NRXN3: variants seen among roughly 807,000 people sequenced by gnomAD.
NRXN3 encodes neurexin 3.
A neutral mutation model predicts 137.6 loss-of-function variants in NRXN3; 32 were observed. The ratio of observed to expected loss-of-function variants is 0.23; its 90% CI spans 0.18 to 0.31. The LOEUF (loss-of-function observed/expected upper bound fraction) is 0.31. Ranked by LOEUF, NRXN3 falls within the 10% of genes least tolerant of loss-of-function variation. The pLI, the probability that NRXN3 is intolerant of heterozygous loss-of-function variation, is 1.00. For missense variants in NRXN3, 1,574 were observed against 2,062.5 expected (o/e 0.76, Z 4.59); for synonymous variants, 798 against 784.5 (o/e 1.02, Z -0.29).
intron 10 of NRXN3, among the ~76,000 whole-genome samples, chr14:78,877,608 T>G (rs2099116886): frequency 1.3e-5 from 2 of 152,210 alleles, no homozygotes; most frequent in African/African-American, 4.8e-5. Flanking sequence ...TTGCCTGTAA[T>G]AATGCTCAAC....
chr14:79,110,664 G>A (rs900790404), intron 15 of NRXN3, among the ~76,000 whole-genome samples: 1 of 152,066 alleles, frequency 6.6e-6, no homozygotes, highest in Non-Finnish European at 1.5e-5. Flanking sequence ...TTGGATCATT[G>A]TTCTATAGTT....
chr14:78,599,399 C>A (rs2097184619), intron 4 of NRXN3, among the ~76,000 whole-genome samples: 1 of 152,192 alleles, frequency 6.6e-6, no homozygotes, highest in African/African-American at 2.4e-5. Context: ...CTTGAATTAC[C>A]TTTCTTGCTT....
At chr14:78,949,757 C>T (rs2099383635) in intron 10 of NRXN3, among the ~76,000 whole-genome samples, 1 of 152,064 alleles carries the variant, frequency 6.6e-6, no homozygotes, top group Non-Finnish European at 1.5e-5. Context: ...TAGAGGGAGA[C>T]AAATGTAAGC....
At chr14:78,175,532 G>C (rs561814589) in intron 1 of NRXN3, among the ~76,000 whole-genome samples, 5 of 152,312 alleles carry the variant, frequency 3.3e-5, no homozygotes, top group African/African-American at 1.2e-4. Flanking sequence ...TCCGGTTCCT[G>C]CTGTGGTCCG....
At chr14:78,471,792 A>G (rs1389043806) in intron 4 of NRXN3, among the ~76,000 whole-genome samples, 1 of 152,214 alleles carries the variant, frequency 6.6e-6, no homozygotes, top group Non-Finnish European at 1.5e-5. Context: ...ATTTATGCAC[A>G]GAGAGGGTGA....
chr14:79,846,692 C>A (rs1416655940), intron 20 of NRXN3, among the ~76,000 whole-genome samples: 1 of 152,042 alleles, frequency 6.6e-6, no homozygotes, highest in Non-Finnish European at 1.5e-5. Flanking sequence ...CCTACTGTAC[C>A]CTACGCAGAT....
chr14:78,474,715 C>A (rs148013707), intron 4 of NRXN3, among the ~76,000 whole-genome samples: 1 of 152,284 alleles, frequency 6.6e-6, no homozygotes, highest in African/African-American at 2.4e-5. Flanking sequence ...AGAAAGTTCC[C>A]TACCATAAGG....
intron 16 of NRXN3, among the ~76,000 whole-genome samples, chr14:79,591,046 G>A (rs1567595663): frequency 6.6e-6 from 1 of 152,040 alleles, no homozygotes; most frequent in Non-Finnish European, 1.5e-5. Flanking sequence ...GTGGGAGCTC[G>A]TGAAAGACAA....
At chr14:79,491,520 C>T (rs762861212) in intron 16 of NRXN3, among the ~76,000 whole-genome samples, 1 of 151,920 alleles carries the variant, frequency 6.6e-6, no homozygotes, top group Non-Finnish European at 1.5e-5. Context: ...AATCTTGAGA[C>T]TTTTATCTTA....
intron 4 of NRXN3, among the ~76,000 whole-genome samples, chr14:78,574,869 A>G (rs1176176844): frequency 3.3e-5 from 5 of 152,222 alleles, no homozygotes; most frequent in Non-Finnish European, 7.3e-5. Flanking sequence ...AATTATTACA[A>G]TTCAAGGTGA....
At chr14:79,740,709 TTTTTATA>T (rs2098958342) in intron 19 of NRXN3, among the ~76,000 whole-genome samples, 1 of 28,742 alleles carries the variant, frequency 3.5e-5, no homozygotes, top group Non-Finnish European at 5.7e-5. Flanking sequence ...TGCATTTAGT[TTTTTATA>T]TATATATATA....
At chr14:78,349,250 G>T (rs1043127926) in intron 4 of NRXN3, among the ~76,000 whole-genome samples, 1 of 152,176 alleles carries the variant, frequency 6.6e-6, no homozygotes, top group African/African-American at 2.4e-5. Flanking sequence ...CTGGTGCAGG[G>T]GCAAGACTGG....
intron 17 of NRXN3, among the ~76,000 whole-genome samples, chr14:79,680,308 C>T (rs1445368806): frequency 1.3e-5 from 2 of 151,970 alleles, no homozygotes; most frequent in Non-Finnish European, 2.9e-5. Context: ...TTGCTTGAGC[C>T]CAGGAGGTGA....
At chr14:79,691,938 G>T (rs2098718267) in intron 17 of NRXN3, among the ~76,000 whole-genome samples, 1 of 151,964 alleles carries the variant, frequency 6.6e-6, no homozygotes, top group South Asian at 2.1e-4. Flanking sequence ...GACCTCTTAA[G>T]GATTCCCATT....
chr14:78,501,651 A>G (rs1448188344), intron 4 of NRXN3, among the ~76,000 whole-genome samples: 4 of 152,154 alleles, frequency 2.6e-5, no homozygotes, highest in East Asian at 1.9e-4. Flanking sequence ...GTTGTCTACC[A>G]TGGGCAGAAG....
chr14:79,552,920 C>A (rs1322038207), intron 16 of NRXN3, among the ~76,000 whole-genome samples: 2 of 152,142 alleles, frequency 1.3e-5, no homozygotes, highest in Non-Finnish European at 2.9e-5. Context: ...ATCTCTCCTG[C>A]ATCAGAGTTA....
intron 10 of NRXN3, among the ~76,000 whole-genome samples, chr14:78,813,659 A>AT (rs555087328): frequency 4.6e-4 from 70 of 150,902 alleles, no homozygotes; most frequent in African/African-American, 9.0e-4. Flanking sequence ...GACATCAGCT[A>AT]TTTTTTTTTC....
chr14:78,670,769 A>G (rs2097926255), intron 6 of NRXN3, among the ~76,000 whole-genome samples: 1 of 152,174 alleles, frequency 6.6e-6, no homozygotes, highest in Non-Finnish European at 1.5e-5. Flanking sequence ...AATGAGTAAG[A>G]TTTATTAACT....
At chr14:78,550,910 A>G (rs995411101) in intron 4 of NRXN3, among the ~76,000 whole-genome samples, 5 of 152,206 alleles carry the variant, frequency 3.3e-5, no homozygotes, top group African/African-American at 9.6e-5. Context: ...ATACAGTGCA[A>G]TGGTGGAGCA....
Sources: allele counts gnomAD v4.1 joint callset (sites outside exome capture counted in the v4.1 genomes callset), GRCh38; gene constraint gnomAD v4.1.1; transcripts MANE v1.5; gene names NCBI Gene and HGNC (gene_info 2026-07-23, HGNC 2026-07-21).